The following MAD1L1 variants were observed in gnomAD, a reference collection of about 807,000 sequenced individuals.
The protein encoded by MAD1L1 is mitotic arrest deficient 1 like 1, also known as mitotic spindle assembly checkpoint protein MAD1.
In MAD1L1, 95 loss-of-function variants were observed where a neutral mutation model predicts 96.9. That is an observed-to-expected ratio of 0.98 (90% CI 0.83 to 1.16). The LOEUF (loss-of-function observed/expected upper bound fraction) is 1.16. Among genes scored for constraint, MAD1L1 ranks in the 50% most tolerant of loss-of-function variants. The pLI, the probability that MAD1L1 is intolerant of heterozygous loss-of-function variation, is 0.00. For synonymous variants in MAD1L1, 473 were observed against 396.6 expected, an observed-to-expected ratio of 1.19 and a Z score of -2.29; for missense variants, 1,007 against 954.4, an observed-to-expected ratio of 1.06 and a Z score of -0.73.
At chr7:2,106,500 C>T (rs1170979108) in intron 11 of MAD1L1, among the ~76,000 whole-genome samples, 3 of 152,142 alleles carry the variant, frequency 2.0e-5, no homozygotes, top group Non-Finnish European at 1.5e-5. Context: ...CCGAGGCTCC[C>T]TCTCCAACCC....
chr7:1,958,205 A>G (rs1033136049), intron 15 of MAD1L1, among the ~76,000 whole-genome samples: 1 of 152,204 alleles, frequency 6.6e-6, no homozygotes, highest in African/African-American at 2.4e-5. Flanking sequence ...ACAGAGGCAC[A>G]ATTCAGATGA....
rs1332500589 is a variant in MAD1L1 at position 2,103,796 on chromosome 7, C to T, written c.1074-34458G>A. On this transcript the variant is annotated intron_variant, in intron 11 of 18. Coordinates refer to ENST00000265854, the MANE Select transcript of MAD1L1 (RefSeq NM_001013836.2). The surrounding 1 kb of genome is among the most constrained non-coding windows in gnomAD (Gnocchi z 4.3). Reference sequence around the variant, plus strand: ...TGAACCACTGTGCACGGAGTCCCTCCGCATCCCCAGGCAGAGGGACAGTCT... The same window carrying T: ...TGAACCACTGTGCACGGAGTCCCTCTGCATCCCCAGGCAGAGGGACAGTCT... Among the ~76,000 whole-genome samples the T allele has an allele frequency of 6.6e-6, 1 of 152,206 alleles. No homozygotes were observed. Among genetic ancestry groups the T allele is most frequent in the African/African-American group, 2.4e-5 (1 of 41,444 alleles).
chr7:2,221,243 G>T (rs1793591323), intron 5 of MAD1L1, among the ~76,000 whole-genome samples: 1 of 152,092 alleles, frequency 6.6e-6, no homozygotes, highest in South Asian at 2.1e-4. Context: ...CTCCCCCATG[G>T]AACCACAGGT....
chr7:1,859,064 C>T (rs1297652908), intron 18 of MAD1L1, among the ~76,000 whole-genome samples: 3 of 84,712 alleles, frequency 3.5e-5, no homozygotes, highest in African/African-American at 5.8e-5. Context: ...AAACCCCATA[C>T]GCAGGAGGGC....
intron 18 of MAD1L1, among the ~76,000 whole-genome samples, chr7:1,818,735 A>G (rs1781962884): frequency 6.6e-6 from 1 of 152,186 alleles, no homozygotes; most frequent in East Asian, 1.9e-4. Flanking sequence ...CGCCAGCGTC[A>G]GCAAGACAGC....
intron 11 of MAD1L1, among the ~76,000 whole-genome samples, chr7:2,113,436 C>T (rs4721411): frequency 0.32 from 48,323 of 151,952 alleles, 8,927 homozygotes; most frequent in East Asian, 0.51. Flanking sequence ...AAAAATTAGC[C>T]AGGCGTGGTG....
chr7:2,079,487 C>T (rs1031331383), intron 11 of MAD1L1, among the ~76,000 whole-genome samples: 8 of 152,252 alleles, frequency 5.3e-5, no homozygotes, highest in Admixed American at 2.6e-4. Context: ...CTCCCGGTCA[C>T]TTCTCCCCGA....
intron 11 of MAD1L1, among the ~76,000 whole-genome samples, chr7:2,087,845 A>T (rs1020194017): frequency 6.6e-6 from 1 of 152,208 alleles, no homozygotes; most frequent in Non-Finnish European, 1.5e-5. Context: ...AGCTTCATGG[A>T]ACACCGTAGG....
chr7:2,218,791 T>G (rs1793430517), intron 6 of MAD1L1, among the ~76,000 whole-genome samples: 2 of 151,824 alleles, frequency 1.3e-5, no homozygotes, highest in South Asian at 2.1e-4. Context: ...TCCCAGCTAC[T>G]CAGGAGGCCG....
rs187245537 is a variant in MAD1L1, at chr7:1,966,963, A to G, written c.1506-9244T>C. ...GCTGCCGGAAATCCTTCAGAAGGAAAGAGGACATGAAGGATACCTGGAGCA... is the reference window on the plus strand; with the variant it reads ...GCTGCCGGAAATCCTTCAGAAGGAAGGAGGACATGAAGGATACCTGGAGCA... On this transcript the variant is annotated intron_variant, in intron 15 of 18. Transcript: ENST00000265854. Among the ~76,000 whole-genome samples, 11 of 152,402 alleles carry G rather than the reference A, an allele frequency of 7.2e-5. No individual in the cohort carries two copies. In the East Asian group the frequency reaches 2.1e-3, roughly 29 times the overall value.
chr7:1,887,857 G>GCA, intron 18 of MAD1L1, among the ~76,000 whole-genome samples: 1 of 51,562 alleles, frequency 1.9e-5, no homozygotes, highest in African/African-American at 8.5e-5. Context: ...GCGTGTGTGT[G>GCA]TGCACGTGTG....
chr7:2,050,383 A>G (rs1216455787), intron 12 of MAD1L1, among the ~76,000 whole-genome samples: 1 of 152,092 alleles, frequency 6.6e-6, no homozygotes, highest in Non-Finnish European at 1.5e-5. Context: ...CCATGTCCAC[A>G]CCCACACGGG....
intron 10 of MAD1L1, among the ~76,000 whole-genome samples, chr7:2,170,723 G>A (rs1044475750): frequency 2.0e-5 from 3 of 152,296 alleles, no homozygotes; most frequent in South Asian, 2.1e-4. Context: ...TCCAAGTGGC[G>A]TAGCGGCAGT....
chr7:1,936,721 G>A lies in MAD1L1; in HGVS notation c.1773C>T (p.Ala591=), dbSNP rs376262238. Residue 591 remains alanine, a synonymous_variant, in exon 17 of 19, where the codon GCC becomes GCT. Coordinates refer to ENST00000265854, the MANE Select transcript of MAD1L1 (RefSeq NM_001013836.2). ...CCTTGGACGATGGCAGACTCGCGGC[G>A]GCAGCCTCAAGGTCGGCTGGGACGG... ...GGTVPADLEA[A]AASLPSSKEV... 3.2e-4 allele frequency: 507 copies of A among 1,560,980 alleles called. 3 individuals carry two copies. The Middle Eastern group carries it at 3.6e-3, about 11-fold the overall frequency.
intron 12 of MAD1L1, among the ~76,000 whole-genome samples, chr7:2,065,701 G>A (rs1483742037): frequency 2.0e-5 from 3 of 152,292 alleles, no homozygotes; most frequent in African/African-American, 7.2e-5. Flanking sequence ...GACAACCACA[G>A]TCTGTGCTCA....
intron 18 of MAD1L1, among the ~76,000 whole-genome samples, chr7:1,844,674 T>C (rs889016569): frequency 6.6e-6 from 1 of 152,110 alleles, no homozygotes; most frequent in African/African-American, 2.4e-5. Context: ...CCAGCACTCC[T>C]TTCTCCAGGC....
intron 18 of MAD1L1, among the ~76,000 whole-genome samples, chr7:1,820,106 C>G (rs1053734199): frequency 2.0e-5 from 3 of 152,092 alleles, no homozygotes; most frequent in African/African-American, 4.8e-5. Context: ...CAGTGGACAT[C>G]AAAACCAGAA....
intron 11 of MAD1L1, among the ~76,000 whole-genome samples, chr7:2,144,389 GC>G (rs1340499967): frequency 6.6e-6 from 1 of 152,146 alleles, no homozygotes; most frequent in Non-Finnish European, 1.5e-5. Context: ...GTCCTGAGAG[GC>G]CCCGCTCCCG....
chr7:2,022,428 C>T (rs913413648), intron 12 of MAD1L1, among the ~76,000 whole-genome samples: 36 of 152,096 alleles, frequency 2.4e-4, no homozygotes, highest in African/African-American at 8.7e-4. Flanking sequence ...GTCAGGAGTT[C>T]AAGACCAGCC....
Sources: allele counts gnomAD v4.1 joint callset (sites outside exome capture counted in the v4.1 genomes callset), GRCh38; gene constraint gnomAD v4.1.1; non-coding constraint Gnocchi (gnomAD v3.1); transcripts MANE v1.5; gene names NCBI Gene and HGNC (gene_info 2026-07-23, HGNC 2026-07-21).